PARD6G: variants seen among roughly 807,000 people sequenced by gnomAD.
PARD6G encodes par-6 family cell polarity regulator gamma.
In PARD6G, 7 loss-of-function variants were observed where a neutral mutation model predicts 10.7. The ratio of observed to expected loss-of-function variants is 0.66; its 90% confidence interval spans 0.37 to 1.23. The LOEUF (loss-of-function observed/expected upper bound fraction) is 1.23. Ranked by LOEUF, PARD6G falls within the 50% of genes most tolerant of loss-of-function variation. The probability of loss-of-function intolerance (pLI) is 0.02; values close to 1 mark genes in which losing one functional copy is unlikely to be tolerated. For synonymous variants in PARD6G, 287 were observed against 269.4 expected, an observed-to-expected ratio of 1.07 and a Z score of -0.64; for missense variants, 548 against 571.8, an observed-to-expected ratio of 0.96 and a Z score of 0.42.
Position 80,184,407 on chromosome 18 carries a change from C to T in PARD6G, c.295+18303G>A, listed in dbSNP as rs1017232974. 5.3e-5 allele frequency: 8 copies of T among 152,270 alleles called. No homozygotes were observed. Among genetic ancestry groups the T allele is most frequent in the East Asian group, 1.9e-4 (1 of 5,196 alleles). 9.4% of individuals were successfully genotyped at this position (152,270 alleles called of 1,614,324 possible). On this transcript the variant is annotated intron_variant, in intron 2 of 2. Transcript: ENST00000353265. This position sits in a 1 kb window ranked among gnomAD's most constrained non-coding sequence, Gnocchi z 4.5. ...GATGTCCATCAACTGATGAACCAAC[C>T]GATGAACACAGGGTGACCTGTCCAT...
At chr18:80,195,062 G>A (rs924694601) in intron 2 of PARD6G, among the ~76,000 whole-genome samples, 1 of 151,964 alleles carries the variant, frequency 6.6e-6, no homozygotes, top group African/African-American at 2.4e-5. Flanking sequence ...ACTTGAGCTC[G>A]AGATGATCAT....
chr18:80,221,226 C>T (rs1054473434), intron 1 of PARD6G, among the ~76,000 whole-genome samples: 2 of 152,128 alleles, frequency 1.3e-5, no homozygotes, highest in Admixed American at 6.5e-5. Context: ...TCAGCTTTCA[C>T]CTGATATCAA....
intron 1 of PARD6G, among the ~76,000 whole-genome samples, chr18:80,216,287 T>C (rs1967165177): frequency 1.3e-5 from 2 of 152,098 alleles, no homozygotes; most frequent in African/African-American, 4.8e-5. Context: ...GGAAGACATC[T>C]GTATAATACT....
At chr18:80,209,272 T>C (rs912308814) in intron 1 of PARD6G, among the ~76,000 whole-genome samples, 2 of 152,202 alleles carry the variant, frequency 1.3e-5, no homozygotes, top group African/African-American at 4.8e-5. Flanking sequence ...ATCCCATGTT[T>C]ATTTTTAAAG....
Position 80,160,297 on chromosome 18 carries a change from C to G in PARD6G, c.605G>C (p.Gly202Ala). 6.2e-7 allele frequency: 1 copy of G among 1,612,224 alleles called. No individual in the cohort carries two copies. Among genetic ancestry groups the G allele is most frequent in the Non-Finnish European group, 8.5e-7 (1 of 1,179,850 alleles). ...GIFISRMVPG[G>A]LAESTGLLAV... Reference sequence around the variant, plus strand: ...CAGCAGCCCGGTGCTCTCCGCCAGGCCCCCGGGTACCATGCGCGAGATGAA... The same window carrying G: ...CAGCAGCCCGGTGCTCTCCGCCAGGGCCCCGGGTACCATGCGCGAGATGAA... The change falls in exon 3 of 3, where the codon GGC becomes GCC. Residue 202 changes from glycine (G) to alanine (A), a missense_variant. This residue lies in a region of PARD6G where 313 missense variants were observed against 279.9 expected (regional missense o/e 1.12). Transcript: ENST00000353265.
Position 80,158,112 on chromosome 18 carries a change from A to G in PARD6G, c.*1659T>C, listed in dbSNP as rs1203721787. 6.6e-6 allele frequency: 1 copy of G among 152,240 alleles called. No homozygotes were observed. Among genetic ancestry groups the G allele is most frequent in the Non-Finnish European group, 1.5e-5 (1 of 68,044 alleles). The allele number at this position is 152,240 out of a possible 1,614,324, so 9.4% of individuals were successfully genotyped here. A position where few individuals can be genotyped will look rare whatever the true frequency, so the allele number is the denominator to read the frequency against. Reference sequence around the variant, plus strand: ...AATTGTATCAAATAGGAATTTTTAAAATTACTAAATATATAAACGTTGCTG... The same window carrying G: ...AATTGTATCAAATAGGAATTTTTAAGATTACTAAATATATAAACGTTGCTG... On this transcript the variant is annotated 3_prime_UTR_variant, in exon 3 of 3. Coordinates refer to ENST00000353265, the MANE Select transcript of PARD6G (RefSeq NM_032510.4).
intron 2 of PARD6G, among the ~76,000 whole-genome samples, chr18:80,199,562 A>G (rs1352510201): frequency 6.6e-6 from 1 of 152,224 alleles, no homozygotes; most frequent in East Asian, 1.9e-4. Flanking sequence ...TTACATCTAC[A>G]TTCATAAAGG....
intron 2 of PARD6G, among the ~76,000 whole-genome samples, chr18:80,172,809 A>G (rs1270182870): frequency 6.6e-6 from 1 of 152,250 alleles, no homozygotes; most frequent in Non-Finnish European, 1.5e-5. Flanking sequence ...AATAGCGTCC[A>G]TTGACGTACA....
chr18:80,174,522 C>G lies in PARD6G; in HGVS notation c.296-13916G>C, dbSNP rs557226804. ...TGTCCACCTGGAAGAACTCAGTGCA[C>G]TGAGAAAAGACTCATGGATGCAGCC... On this transcript the variant is annotated intron_variant, in intron 2 of 2. Transcript: ENST00000353265. 4.6e-5 allele frequency among the ~76,000 whole-genome samples: 7 copies of G among 152,310 alleles called. No individual in the cohort carries two copies. The East Asian group carries it at 9.7e-4, about 21-fold the overall frequency.
At chr18:80,168,510 C>T (rs1321386224) in intron 2 of PARD6G, among the ~76,000 whole-genome samples, 2 of 151,800 alleles carry the variant, frequency 1.3e-5, no homozygotes, top group Non-Finnish European at 2.9e-5. Flanking sequence ...CAAGGAGTCA[C>T]ATTTTTTAGG....
At chr18:80,236,107 A>G (rs1005355155) in intron 1 of PARD6G, among the ~76,000 whole-genome samples, 3 of 152,190 alleles carry the variant, frequency 2.0e-5, no homozygotes, top group Non-Finnish European at 4.4e-5. Context: ...CCTCAATAAA[A>G]TACTGGCAAA....
intron 2 of PARD6G, among the ~76,000 whole-genome samples, chr18:80,193,388 C>T (rs1966917444): frequency 6.6e-6 from 1 of 152,200 alleles, no homozygotes; most frequent in Non-Finnish European, 1.5e-5. Context: ...AAATTTCTAG[C>T]AAGACCATAG....
intron 1 of PARD6G, among the ~76,000 whole-genome samples, chr18:80,206,865 G>C (rs934952197): frequency 2.6e-5 from 4 of 152,000 alleles, no homozygotes; most frequent in Non-Finnish European, 5.9e-5. Context: ...TGTTTATTTG[G>C]ATGGCTAGTG....
intron 2 of PARD6G, chr18:80,168,764 C>T (rs2052753989): frequency 5.9e-6 from 1 of 168,610 alleles, no homozygotes; most frequent in African/African-American, 2.4e-5. Context: ...ATGTGAACCA[C>T]CACACCCAGC....
intron 1 of PARD6G, among the ~76,000 whole-genome samples, chr18:80,223,601 A>G (rs992619126): frequency 1.4e-4 from 21 of 152,214 alleles, no homozygotes; most frequent in African/African-American, 5.1e-4. Flanking sequence ...CTTAACCCTC[A>G]CACATTTTTG....
intron 2 of PARD6G, chr18:80,169,851 C>T (rs1377766102): frequency 6.6e-6 from 1 of 152,218 alleles, no homozygotes; most frequent in Non-Finnish European, 1.5e-5. Context: ...AGGCCAAACG[C>T]CATGGCCTCA....
chr18:80,165,389 T>C (rs1019686808), intron 2 of PARD6G, among the ~76,000 whole-genome samples: 1 of 152,240 alleles, frequency 6.6e-6, no homozygotes. Context: ...ACAGACCTTA[T>C]GGTTGTCTTC....
At chr18:80,225,588 A>C (rs1967281119) in intron 1 of PARD6G, among the ~76,000 whole-genome samples, 6 of 152,168 alleles carry the variant, frequency 3.9e-5, no homozygotes, top group Admixed American at 3.9e-4. Flanking sequence ...AAAAAAGCAA[A>C]ATTAAACTTG....
intron 2 of PARD6G, among the ~76,000 whole-genome samples, chr18:80,166,564 A>C (rs1029757437): frequency 6.7e-6 from 1 of 149,268 alleles, no homozygotes; most frequent in African/African-American, 2.5e-5. Context: ...CAAACACAAC[A>C]GCTCCGTGGC....
Sources: gnomAD v4.1 joint callset for allele counts (sites outside exome capture counted in the v4.1 genomes callset) on GRCh38, gnomAD v4.1.1 for gene constraint, gnomAD v4.1.1 regional missense constraint, Gnocchi (gnomAD v3.1) non-coding constraint, MANE v1.5 for transcripts, NCBI Gene and HGNC (gene_info 2026-07-23, HGNC 2026-07-21) for gene names.